The following TENM3 variants were observed in gnomAD, a reference collection of about 807,000 sequenced individuals.
The protein encoded by TENM3 is teneurin transmembrane protein 3.
In TENM3, 63 loss-of-function variants were observed where a neutral mutation model predicts 255.1. The ratio of observed to expected loss-of-function variants is 0.25; its 90% CI spans 0.20 to 0.30. TENM3 has a LOEUF of 0.30. TENM3 is among the 10% of genes least tolerant of loss of function. The probability of loss-of-function intolerance (pLI) is 1.00; values close to 1 mark genes in which losing one functional copy is unlikely to be tolerated. For synonymous variants in TENM3, 1,306 were observed against 1,322.3 expected, an observed-to-expected ratio of 0.99 and a Z score of 0.27; for missense variants, 2,929 against 3,461.1, an observed-to-expected ratio of 0.85 and a Z score of 3.86.
At chr4:182,742,034 A>G (rs1291261174) in intron 18 of TENM3, among the ~76,000 whole-genome samples, 1 of 152,222 alleles carries the variant, frequency 6.6e-6, no homozygotes, top group Non-Finnish European at 1.5e-5. Context: ...TTTGGAACAT[A>G]GAACATTCAA....
the TENM3 span, among the ~76,000 whole-genome samples, chr4:181,513,631 T>C: frequency 1.3e-5 from 2 of 152,238 alleles, no homozygotes; most frequent in South Asian, 4.1e-4. Context: ...TCTGGCCTAA[T>C]AAAACACGCA....
the TENM3 span, among the ~76,000 whole-genome samples, chr4:181,678,432 G>T: frequency 6.6e-6 from 1 of 151,968 alleles, no homozygotes; most frequent in African/African-American, 2.4e-5. Flanking sequence ...GGGAGGCAAC[G>T]GGGAAGGCAA....
chr4:181,749,960 C>T, the TENM3 span, among the ~76,000 whole-genome samples: 5 of 152,264 alleles, frequency 3.3e-5, no homozygotes, highest in East Asian at 5.8e-4. Context: ...GGATTCATCT[C>T]TGTGTCTTCA....
chr4:182,362,467 G>T (rs1013171394), intron 3 of TENM3, among the ~76,000 whole-genome samples: 5 of 152,030 alleles, frequency 3.3e-5, no homozygotes, highest in Non-Finnish European at 5.9e-5. Flanking sequence ...CTTGCAGTTT[G>T]ATCTCAGACT....
At chr4:181,797,681 G>A in the TENM3 span, among the ~76,000 whole-genome samples, 2 of 152,164 alleles carry the variant, frequency 1.3e-5, no homozygotes, top group African/African-American at 2.4e-5. Flanking sequence ...TATGTGTTTC[G>A]ACTCATCCCC....
chr4:181,760,999 C>CACACACATAT, the TENM3 span, among the ~76,000 whole-genome samples: 1 of 145,524 alleles, frequency 6.9e-6, no homozygotes, highest in African/African-American at 2.6e-5. Context: ...CACACACACA[C>CACACACATAT]ACACACACAC....
the TENM3 span, among the ~76,000 whole-genome samples, chr4:181,791,558 A>G: frequency 6.6e-6 from 1 of 152,232 alleles, no homozygotes; most frequent in African/African-American, 2.4e-5. Flanking sequence ...TAAGAATAAA[A>G]GTAATTGGTA....
intron 1 of TENM3, among the ~76,000 whole-genome samples, chr4:182,308,724 T>G (rs1009064184): frequency 1.6e-4 from 25 of 152,202 alleles, no homozygotes; most frequent in African/African-American, 5.5e-4. Flanking sequence ...CTATTTTTAC[T>G]TGACTATTTG....
At chr4:182,597,085 G>T (rs908442907) in intron 3 of TENM3, among the ~76,000 whole-genome samples, 3 of 151,996 alleles carry the variant, frequency 2.0e-5, no homozygotes, top group African/African-American at 7.3e-5. Flanking sequence ...GATTTCCCTG[G>T]GTATTCAATT....
At chr4:181,482,650 G>T in the TENM3 span, among the ~76,000 whole-genome samples, 1 of 152,002 alleles carries the variant, frequency 6.6e-6, no homozygotes, top group Admixed American at 6.6e-5. Flanking sequence ...CTCAAAAAAA[G>T]GTTCCCTTTC....
chr4:181,879,823 G>A, the TENM3 span, among the ~76,000 whole-genome samples: 217 of 152,218 alleles, frequency 1.4e-3, no homozygotes, highest in African/African-American at 4.8e-3. Flanking sequence ...TGATTGCTCA[G>A]TCCAAAGTGA....
chr4:182,041,531 G>A, the TENM3 span, among the ~76,000 whole-genome samples: 1 of 152,156 alleles, frequency 6.6e-6, no homozygotes, highest in African/African-American at 2.4e-5. Flanking sequence ...CTGTATAACT[G>A]TAATAAATCA....
At chr4:181,788,976 T>C in the TENM3 span, among the ~76,000 whole-genome samples, 1 of 152,266 alleles carries the variant, frequency 6.6e-6, no homozygotes, top group South Asian at 2.1e-4. Flanking sequence ...TCTGGCAAAC[T>C]CCAACCATTG....
chr4:182,436,996 C>T (rs1038367666), intron 3 of TENM3, among the ~76,000 whole-genome samples: 14 of 146,458 alleles, frequency 9.6e-5, no homozygotes, highest in Non-Finnish European at 1.6e-4. Context: ...CCATTGCACT[C>T]CAGCCTGGGC....
the TENM3 span, among the ~76,000 whole-genome samples, chr4:181,592,466 G>GA: frequency 6.6e-6 from 1 of 151,562 alleles, no homozygotes; most frequent in Non-Finnish European, 1.5e-5. Context: ...AGGACCGGTC[G>GA]CGAAGCCCAT....
In TENM3 at chr4:182,322,966, C is replaced by G. The variant is rs147390016; in HGVS notation, c.-75-980C>G. On this transcript the variant is annotated intron_variant, in intron 1 of 27. Transcript: ENST00000511685. ...ATTTTAGTGGGGTGGGAGGAAAACA[C>G]GAAGGGCTGAAGATAAAGCCTTCGG... Among the ~76,000 whole-genome samples the G allele has an allele frequency of 6.0e-3, 918 of 152,058 alleles. 8 individuals are homozygous for G. The highest frequency in any genetic ancestry group is 0.021 in the African/African-American group (869 of 41,484).
chr4:182,576,286 A>G (rs759394946), intron 3 of TENM3, among the ~76,000 whole-genome samples: 29 of 152,198 alleles, frequency 1.9e-4, no homozygotes, highest in Non-Finnish European at 3.7e-4. Flanking sequence ...AACGAAAACA[A>G]TTTGTGTGAG....
chr4:182,537,635 C>A (rs2151869962), intron 3 of TENM3, among the ~76,000 whole-genome samples: 1 of 152,212 alleles, frequency 6.6e-6, no homozygotes, highest in Middle Eastern at 3.4e-3. Context: ...GTCTTCTGCC[C>A]TTTTTCAAAA....
At chr4:181,832,824 T>TG in the TENM3 span, among the ~76,000 whole-genome samples, 1 of 152,066 alleles carries the variant, frequency 6.6e-6, no homozygotes, top group African/African-American at 2.4e-5. Flanking sequence ...GCGGGTTGTG[T>TG]GGGGGGCAGC....
Sources: allele counts gnomAD v4.1 joint callset (sites outside exome capture counted in the v4.1 genomes callset), GRCh38; gene constraint gnomAD v4.1.1; transcripts MANE v1.5; gene names NCBI Gene and HGNC (gene_info 2026-07-23, HGNC 2026-07-21).